Variants in PDE4B observed in about 807,000 individuals in gnomAD.
The protein encoded by PDE4B is 3',5'-cyclic-AMP phosphodiesterase 4B.
PDE4B carries 20 observed loss-of-function variants against 82.2 expected under a neutral mutation model. The observed-to-expected ratio is 0.24, with a 90% CI of 0.17 to 0.35. PDE4B has a LOEUF of 0.35. PDE4B is among the 10% of genes least tolerant of loss of function. PDE4B has a pLI of 1.00. For synonymous variants in PDE4B, 320 were observed against 318.9 expected (o/e 1.00, Z -0.04); for missense variants, 655 against 907.2 (o/e 0.72, Z 3.57).
intron 4 of PDE4B, among the ~76,000 whole-genome samples, chr1:66,250,596 G>T (rs1405800920): frequency 1.3e-5 from 2 of 152,156 alleles, no homozygotes; most frequent in Admixed American, 6.5e-5. Context: ...GATCACCATT[G>T]GGTCCCAAAA....
At chr1:66,255,763 G>A (rs1276615703) in intron 4 of PDE4B, among the ~76,000 whole-genome samples, 1 of 152,180 alleles carries the variant, frequency 6.6e-6, no homozygotes, top group African/African-American at 2.4e-5. Flanking sequence ...GTATTAAAAT[G>A]TCTATTACAG....
At chr1:65,974,076 G>C (rs1282370022) in intron 3 of PDE4B, among the ~76,000 whole-genome samples, 1 of 152,066 alleles carries the variant, frequency 6.6e-6, no homozygotes, top group Non-Finnish European at 1.5e-5. Context: ...GCCTCCCAAA[G>C]TGCTGGAATT....
At chr1:66,289,013 A>C (rs1026136170) in intron 7 of PDE4B, among the ~76,000 whole-genome samples, 20 of 152,194 alleles carry the variant, frequency 1.3e-4, no homozygotes, top group African/African-American at 4.8e-4. Flanking sequence ...ATTTATGTAG[A>C]TTCTACTATG....
At chr1:66,052,968 T>C (rs1466691688) in intron 3 of PDE4B, among the ~76,000 whole-genome samples, 1 of 152,206 alleles carries the variant, frequency 6.6e-6, no homozygotes, top group African/African-American at 2.4e-5. Context: ...TTAGATGTAA[T>C]AAAGTGTCAT....
chr1:66,094,414 C>T (rs940619018), intron 3 of PDE4B: 10 of 152,026 alleles, frequency 6.6e-5, no homozygotes, highest in African/African-American at 2.4e-4. Context: ...AATCTAGCCT[C>T]ATTTAATATG....
At chr1:66,151,042 C>T (rs1179801119) in intron 3 of PDE4B, among the ~76,000 whole-genome samples, 1 of 152,110 alleles carries the variant, frequency 6.6e-6, no homozygotes, top group Admixed American at 6.6e-5. Flanking sequence ...GTAGTACTGA[C>T]CTCAGATAAT....
intron 1 of PDE4B, among the ~76,000 whole-genome samples, chr1:65,878,087 A>G (rs1413365522): frequency 6.6e-6 from 1 of 152,224 alleles, no homozygotes; most frequent in Non-Finnish European, 1.5e-5. Flanking sequence ...ATGAACAGAC[A>G]TTTATCAAAA....
intron 10 of PDE4B, among the ~76,000 whole-genome samples, chr1:66,362,830 C>G (rs1368517600): frequency 6.6e-6 from 1 of 152,164 alleles, no homozygotes; most frequent in East Asian, 1.9e-4. Context: ...AGGGGAGAGA[C>G]AGGGACATTG....
At chr1:65,805,954 T>A (rs1217623158) in intron 1 of PDE4B, among the ~76,000 whole-genome samples, 2 of 152,114 alleles carry the variant, frequency 1.3e-5, no homozygotes, top group Non-Finnish European at 2.9e-5. Context: ...CATTTCTAAT[T>A]TTGGTGGGGG....
At chr1:66,252,798 G>A (rs1436823437) in intron 4 of PDE4B, among the ~76,000 whole-genome samples, 1 of 152,174 alleles carries the variant, frequency 6.6e-6, no homozygotes, top group Non-Finnish European at 1.5e-5. Flanking sequence ...ACTTAGCTAG[G>A]AGTAGTGGTG....
intron 3 of PDE4B, among the ~76,000 whole-genome samples, chr1:65,993,756 C>CT (rs1292853774): frequency 5.3e-5 from 8 of 152,022 alleles, no homozygotes; most frequent in Middle Eastern, 3.4e-3. Context: ...TTAAGAGCTT[C>CT]TTTTTTTAAA....
At chr1:66,011,300 T>C (rs1311014895) in intron 3 of PDE4B, among the ~76,000 whole-genome samples, 1 of 151,974 alleles carries the variant, frequency 6.6e-6, no homozygotes, top group Non-Finnish European at 1.5e-5. Flanking sequence ...TTTTCAACAT[T>C]GTAGGACAGT....
intron 3 of PDE4B, among the ~76,000 whole-genome samples, chr1:66,013,777 CTTT>C (rs1307692011): frequency 6.6e-6 from 1 of 151,994 alleles, no homozygotes; most frequent in Non-Finnish European, 1.5e-5. Flanking sequence ...AAAAATATCT[CTTT>C]GAGACTCTAC....
intron 6 of PDE4B, 133 bp downstream of exon 6, chr1:66,257,996 G>A: frequency 1.6e-6 from 1 of 638,902 alleles, no homozygotes; most frequent in South Asian, 1.9e-5. Context: ...AATAAAATTT[G>A]AAAACAGGAT....
At chr1:65,856,793 C>T (rs939395512) in intron 1 of PDE4B, among the ~76,000 whole-genome samples, 1 of 152,190 alleles carries the variant, frequency 6.6e-6, no homozygotes, top group African/African-American at 2.4e-5. Flanking sequence ...TACATTCCAA[C>T]CAACAGTCAA....
At chr1:65,798,008 A>T (rs1271116602) in intron 1 of PDE4B, among the ~76,000 whole-genome samples, 1 of 151,854 alleles carries the variant, frequency 6.6e-6, no homozygotes, top group East Asian at 1.9e-4. Flanking sequence ...AAATGTTTAA[A>T]AATTTATTTA....
At chr1:66,203,591 A>T (rs1286455769) in intron 3 of PDE4B, among the ~76,000 whole-genome samples, 1 of 151,596 alleles carries the variant, frequency 6.6e-6, no homozygotes, top group Non-Finnish European at 1.5e-5. Flanking sequence ...GCTTCGTTTC[A>T]TTCATTTCAT....
intron 3 of PDE4B, among the ~76,000 whole-genome samples, chr1:66,133,680 G>C (rs1444685326): frequency 6.6e-6 from 1 of 152,052 alleles, no homozygotes; most frequent in Non-Finnish European, 1.5e-5. Context: ...TGTAATCCTT[G>C]GGGCCCAGGA....
intron 3 of PDE4B, among the ~76,000 whole-genome samples, chr1:66,059,942 G>C (rs1469963701): frequency 6.6e-6 from 1 of 152,046 alleles, no homozygotes; most frequent in East Asian, 1.9e-4. Flanking sequence ...CAGTAACCAA[G>C]GAAAAAGCTC....
Sources: allele counts gnomAD v4.1 joint callset (sites outside exome capture counted in the v4.1 genomes callset), GRCh38; gene constraint gnomAD v4.1.1; transcripts MANE v1.5; gene names NCBI Gene and HGNC (gene_info 2026-07-23, HGNC 2026-07-21).